APBA2: variants seen among roughly 807,000 people sequenced by gnomAD.
APBA2 encodes amyloid beta precursor protein binding family A member 2.
APBA2 carries 30 observed loss-of-function variants against 75.0 expected under a neutral mutation model. The ratio of observed to expected loss-of-function variants is 0.40; its 90% confidence interval spans 0.30 to 0.54. The LOEUF (loss-of-function observed/expected upper bound fraction) is 0.54, where lower values mean the gene tolerates loss of function less well. Ranked by LOEUF, APBA2 falls within the 20% of genes least tolerant of loss-of-function variation. The pLI, the probability that APBA2 is intolerant of heterozygous loss-of-function variation, is 0.49. For synonymous variants in APBA2, 444 were observed against 409.6 expected (o/e 1.08, Z -1.01); for missense variants, 801 against 1,016.1 (o/e 0.79, Z 2.88).
intron 1 of APBA2, among the ~76,000 whole-genome samples, chr15:28,919,169 G>A (rs1397798244): frequency 6.6e-6 from 1 of 152,182 alleles, no homozygotes; most frequent in East Asian, 1.9e-4. Flanking sequence ...CGGTTGTGGG[G>A]ATTATCTGAG....
At chr15:29,041,638 T>C (rs2041051985) in intron 3 of APBA2, among the ~76,000 whole-genome samples, 1 of 152,098 alleles carries the variant, frequency 6.6e-6, no homozygotes, top group African/African-American at 2.4e-5. Flanking sequence ...ACCCAACTCA[T>C]GGAAAGATAT....
chr15:28,917,850 C>T (rs929131580), intron 1 of APBA2, among the ~76,000 whole-genome samples: 3 of 152,232 alleles, frequency 2.0e-5, no homozygotes, highest in Non-Finnish European at 2.9e-5. Context: ...TGCACCCCGG[C>T]TTACTGTGGC....
At chr15:28,910,944 C>T (rs139467076) in intron 1 of APBA2, among the ~76,000 whole-genome samples, 7,432 of 152,090 alleles carry the variant, frequency 0.049, 639 homozygotes, top group African/African-American at 0.17. Context: ...CAATTTCATA[C>T]GGTGTTATTC....
At chr15:28,895,179 C>G (rs1240922717) in intron 1 of APBA2, among the ~76,000 whole-genome samples, 1 of 152,216 alleles carries the variant, frequency 6.6e-6, no homozygotes, top group Admixed American at 6.5e-5. Context: ...GCCAACTTAC[C>G]CTCGGCACAC....
Position 28,944,088 on chromosome 15 carries a change from G to A in APBA2, c.-95+22339G>A, listed in dbSNP as rs529732510. The stretch of plus-strand genomic sequence containing the variant: ...TTCACCCTGGCCCACTCTCCACTCT[G>A]CAGCCAAGTGATCTTTTCCAGCAGC... On this transcript the variant is annotated intron_variant, in intron 2 of 14. Transcript: ENST00000683413. Among the ~76,000 whole-genome samples, 16 of 152,272 alleles carry A rather than the reference G, an allele frequency of 1.1e-4. 1 individual carries two copies. The East Asian group carries it at 2.1e-3, about 20-fold the overall frequency.
chr15:29,014,480 C>T (rs2039558486), intron 3 of APBA2, among the ~76,000 whole-genome samples: 1 of 152,102 alleles, frequency 6.6e-6, no homozygotes, highest in South Asian at 2.1e-4. Flanking sequence ...AGCTACTTGC[C>T]ATTTAAATTT....
At chr15:28,929,128 C>T (rs2034431600) in intron 2 of APBA2, among the ~76,000 whole-genome samples, 1 of 152,150 alleles carries the variant, frequency 6.6e-6, no homozygotes, top group Non-Finnish European at 1.5e-5. Flanking sequence ...TCCAATCCTT[C>T]CCCTGCTTTG....
At chr15:29,114,051 G>C in intron 14 of APBA2, 35 bp downstream of exon 14, 1 of 1,613,374 alleles carries the variant, frequency 6.2e-7, no homozygotes, top group Admixed American at 1.7e-5. Context: ...TCTGCATGCC[G>C]GTTCCCACGT....
intron 2 of APBA2, among the ~76,000 whole-genome samples, chr15:28,952,959 T>C (rs1373443335): frequency 6.6e-6 from 1 of 152,146 alleles, no homozygotes; most frequent in Non-Finnish European, 1.5e-5. Context: ...TAGTCCATGC[T>C]CTTTGTATGA....
chr15:29,027,597 T>A (rs1250931873), intron 3 of APBA2, among the ~76,000 whole-genome samples: 1 of 151,956 alleles, frequency 6.6e-6, no homozygotes, highest in Admixed American at 6.6e-5. Flanking sequence ...TAGTCTTTTA[T>A]CTTTTTTTTC....
At chr15:29,038,995 G>T (rs899819906) in intron 3 of APBA2, among the ~76,000 whole-genome samples, 2 of 152,052 alleles carry the variant, frequency 1.3e-5, no homozygotes, top group Admixed American at 6.6e-5. Flanking sequence ...GAAGGACCTT[G>T]AGATGATTTA....
intron 3 of APBA2, chr15:29,044,271 T>G (rs2041194735): frequency 6.6e-6 from 1 of 152,194 alleles, no homozygotes; most frequent in South Asian, 2.1e-4. Flanking sequence ...AGCTCTTTAT[T>G]GTTGACAATG....
At chr15:28,989,384 G>A (rs900706848) in intron 2 of APBA2, among the ~76,000 whole-genome samples, 1 of 152,136 alleles carries the variant, frequency 6.6e-6, no homozygotes, top group Non-Finnish European at 1.5e-5. Flanking sequence ...GGATGCGCAG[G>A]TTCGTATCTG....
chr15:28,960,312 A>T (rs1002002959), intron 2 of APBA2, among the ~76,000 whole-genome samples: 1 of 151,118 alleles, frequency 6.6e-6, no homozygotes, highest in Non-Finnish European at 1.5e-5. Context: ...AAATATATTA[A>T]AATTAGCTGG....
At chr15:29,115,885 G>T (rs1323392907) in intron 14 of APBA2, among the ~76,000 whole-genome samples, 1 of 152,190 alleles carries the variant, frequency 6.6e-6, no homozygotes, top group African/African-American at 2.4e-5. Flanking sequence ...AGACCTGCTT[G>T]CCTGAGGAGG....
chr15:29,038,828 C>T lies in APBA2; in HGVS notation c.-40-15017C>T, dbSNP rs531145159. Among the ~76,000 whole-genome samples the T allele has an allele frequency of 1.8e-3, 266 of 151,768 alleles. 1 individual carries two copies. Among genetic ancestry groups the T allele is most frequent in the African/African-American group, 6.4e-3 (264 of 41,370 alleles). ...AGCTGGGATTACAGGTGTGCGCCAC[C>T]ACACCTGGCTGATTTTTGTATGTTT... is the stretch of plus-strand genomic sequence containing the variant. On this transcript the variant is annotated intron_variant, in intron 3 of 14. Transcript: ENST00000683413.
intron 12 of APBA2, among the ~76,000 whole-genome samples, chr15:29,107,696 C>T (rs1172978034): frequency 6.6e-6 from 1 of 152,160 alleles, no homozygotes; most frequent in African/African-American, 2.4e-5. Flanking sequence ...AGGGCTGCAG[C>T]TCCCAGGTGG....
chr15:29,087,692 G>C (rs2043350718), intron 6 of APBA2, among the ~76,000 whole-genome samples: 1 of 152,180 alleles, frequency 6.6e-6, no homozygotes, highest in Admixed American at 6.5e-5. Flanking sequence ...GGTCTCACTT[G>C]AGACGCCAGT....
intron 13 of APBA2, among the ~76,000 whole-genome samples, chr15:29,112,888 C>T (rs2044813634): frequency 6.6e-6 from 1 of 152,134 alleles, no homozygotes; most frequent in Non-Finnish European, 1.5e-5. Context: ...TGGCGGCCCC[C>T]CACTTCTACT....
Sources: gnomAD v4.1 joint callset for allele counts (sites outside exome capture counted in the v4.1 genomes callset) on GRCh38, gnomAD v4.1.1 for gene constraint, MANE v1.5 for transcripts, NCBI Gene and HGNC (gene_info 2026-07-23, HGNC 2026-07-21) for gene names.